The following CEP112 variants were observed in gnomAD, a reference collection of about 807,000 sequenced individuals.
The protein encoded by CEP112 is centrosomal protein 112, also known as centrosomal protein of 112 kDa.
CEP112 carries 127 observed loss-of-function variants against 153.0 expected under a neutral mutation model. The observed-to-expected ratio is 0.83, with a 90% CI of 0.72 to 0.96. CEP112 has a LOEUF of 0.96. Among genes scored for constraint, CEP112 ranks in the 40% least tolerant of loss-of-function variants. CEP112 has a pLI of 0.00. For missense variants in CEP112, 1,089 were observed against 1,101.2 expected (o/e 0.99, Z 0.16); for synonymous variants, 358 against 374.4 (o/e 0.96, Z 0.51).
At chr17:65,943,558 G>A (rs774843044) in intron 18 of CEP112, among the ~76,000 whole-genome samples, 55 of 152,292 alleles carry the variant, frequency 3.6e-4, no homozygotes, top group Non-Finnish European at 5.3e-4. Context: ...CTGGCTTGTA[G>A]GGTTTCTGCT....
intron 8 of CEP112, among the ~76,000 whole-genome samples, chr17:66,087,590 A>C (rs951355860): frequency 1.3e-5 from 2 of 152,258 alleles, no homozygotes; most frequent in African/African-American, 4.8e-5. Context: ...ATGGCAGACT[A>C]GGACTTTCAA....
At chr17:65,950,941 T>C (rs2061807749) in intron 18 of CEP112, among the ~76,000 whole-genome samples, 1 of 152,140 alleles carries the variant, frequency 6.6e-6, no homozygotes, top group African/African-American at 2.4e-5. Flanking sequence ...ATTTTTAAAA[T>C]CATAAATGGT....
intron 20 of CEP112, among the ~76,000 whole-genome samples, chr17:65,868,739 T>C (rs767489120): frequency 6.6e-6 from 1 of 152,172 alleles, no homozygotes; most frequent in Non-Finnish European, 1.5e-5. Context: ...TATATATATG[T>C]TCATTAGCAT....
At chr17:65,980,917 A>G (rs1388381146) in intron 17 of CEP112, among the ~76,000 whole-genome samples, 1 of 152,100 alleles carries the variant, frequency 6.6e-6, no homozygotes, top group African/African-American at 2.4e-5. Context: ...AGCTGGGATT[A>G]CAGGTGCCGG....
At chr17:65,659,520 G>A (rs2046240860) in intron 24 of CEP112, among the ~76,000 whole-genome samples, 2 of 152,154 alleles carry the variant, frequency 1.3e-5, no homozygotes, top group South Asian at 4.1e-4. Flanking sequence ...TAGGCAGCTC[G>A]ATGAACGCTA....
At chr17:65,854,475 TG>T (rs904435838) in intron 20 of CEP112, among the ~76,000 whole-genome samples, 3 of 152,186 alleles carry the variant, frequency 2.0e-5, no homozygotes, top group Admixed American at 6.5e-5. Flanking sequence ...TACACTAGAC[TG>T]GAAAAGACAT....
At chr17:65,667,558 T>TAC (rs71361241) in intron 24 of CEP112, among the ~76,000 whole-genome samples, 47,887 of 149,078 alleles carry the variant, frequency 0.32, 7,583 homozygotes, top group Middle Eastern at 0.51. Flanking sequence ...TTTGTACTCT[T>TAC]ACACACACAC....
At chr17:66,084,836 G>A (rs1476095632) in intron 8 of CEP112, among the ~76,000 whole-genome samples, 1 of 152,020 alleles carries the variant, frequency 6.6e-6, no homozygotes, top group African/African-American at 2.4e-5. Context: ...GTAACACAAA[G>A]GATAAATGCT....
chr17:65,897,817 T>C (rs1018023379), intron 20 of CEP112, among the ~76,000 whole-genome samples: 53 of 152,100 alleles, frequency 3.5e-4, no homozygotes, highest in African/African-American at 1.2e-3. Context: ...TTATTTCCAA[T>C]GTTTTAACAT....
intron 21 of CEP112, among the ~76,000 whole-genome samples, chr17:65,771,767 T>A (rs1039756148): frequency 6.6e-6 from 1 of 152,044 alleles, no homozygotes; most frequent in Non-Finnish European, 1.5e-5. Context: ...ATAATCCCAG[T>A]GCTTTGGGAG....
chr17:65,775,906 A>C (rs910676347), intron 21 of CEP112, among the ~76,000 whole-genome samples: 1 of 152,250 alleles, frequency 6.6e-6, no homozygotes, highest in Non-Finnish European at 1.5e-5. Flanking sequence ...CCACAGTAAC[A>C]TGTAGCCATC....
chr17:65,865,426 A>C (rs564576001), intron 20 of CEP112, among the ~76,000 whole-genome samples: 1 of 152,336 alleles, frequency 6.6e-6, no homozygotes, highest in South Asian at 2.1e-4. Flanking sequence ...GTGAGAACTA[A>C]GCGTACTATA....
chr17:66,086,060 G>A (rs2067916351), intron 8 of CEP112, among the ~76,000 whole-genome samples: 3 of 149,944 alleles, frequency 2.0e-5, no homozygotes, highest in Admixed American at 2.0e-4. Context: ...TAATCCTAGA[G>A]AATTTTAAAG....
intron 23 of CEP112, among the ~76,000 whole-genome samples, chr17:65,739,101 G>C (rs550602617): frequency 6.6e-5 from 10 of 152,324 alleles, no homozygotes; most frequent in Non-Finnish European, 1.3e-4. Flanking sequence ...TGAAAAGTCT[G>C]ATTAATCTGT....
intron 21 of CEP112, among the ~76,000 whole-genome samples, chr17:65,782,479 C>G (rs974013003): frequency 3.9e-5 from 6 of 152,100 alleles, no homozygotes; most frequent in African/African-American, 1.4e-4. Flanking sequence ...CCCAGCAATC[C>G]CATTACTGGG....
intron 24 of CEP112, among the ~76,000 whole-genome samples, chr17:65,658,490 A>G (rs2046174869): frequency 6.6e-6 from 1 of 152,216 alleles, no homozygotes; most frequent in African/African-American, 2.4e-5. Context: ...AAGAAGGGTG[A>G]TGTTCCTGCA....
chr17:66,061,926 A>G (rs1012310566), intron 11 of CEP112, among the ~76,000 whole-genome samples: 3 of 152,176 alleles, frequency 2.0e-5, no homozygotes, highest in African/African-American at 7.2e-5. Context: ...AGGAGAGACC[A>G]GGTGGAAGTA....
intron 21 of CEP112, among the ~76,000 whole-genome samples, chr17:65,757,556 AGGC>A (rs2052361912): frequency 6.6e-6 from 1 of 152,240 alleles, no homozygotes; most frequent in South Asian, 2.1e-4. Flanking sequence ...ATTTAAAATG[AGGC>A]CAGTCTGTAC....
At chr17:66,182,817 G>A (rs1394162073) in intron 2 of CEP112, among the ~76,000 whole-genome samples, 1 of 152,134 alleles carries the variant, frequency 6.6e-6, no homozygotes, top group Admixed American at 6.5e-5. Context: ...CAGGGCCGGA[G>A]AACAGGAGAA....
Sources: gnomAD v4.1 joint callset for allele counts (sites outside exome capture counted in the v4.1 genomes callset) on GRCh38, gnomAD v4.1.1 for gene constraint, MANE v1.5 for transcripts, NCBI Gene and HGNC (gene_info 2026-07-23, HGNC 2026-07-21) for gene names.